The following BICRA variants were observed in gnomAD, a reference collection of about 807,000 sequenced individuals.
BICRA encodes the protein BRD4-interacting chromatin-remodeling complex-associated protein.
In BICRA, 31 loss-of-function variants were observed where a neutral mutation model predicts 96.9. The ratio of observed to expected loss-of-function variants is 0.32; its 90% CI spans 0.24 to 0.43. BICRA has a LOEUF of 0.43. BICRA is among the 20% of genes least tolerant of loss of function. The pLI is 1.00. For missense variants in BICRA, 2,283 were observed against 2,190.3 expected, an observed-to-expected ratio of 1.04 and a Z score of -0.84; for synonymous variants, 1,350 against 1,071.8, an observed-to-expected ratio of 1.26 and a Z score of -5.07.
intron 1 of BICRA, among the ~76,000 whole-genome samples, chr19:47,656,069 G>GACACAC (rs60179476): frequency 0.079 from 10,456 of 132,096 alleles, 522 homozygotes; most frequent in East Asian, 0.18. Context: ...ATCCTGTCTC[G>GACACAC]ACACACACAC....
At chr19:47,635,931 A>C (rs1366452350) in intron 1 of BICRA, among the ~76,000 whole-genome samples, 2 of 152,136 alleles carry the variant, frequency 1.3e-5, no homozygotes, top group Non-Finnish European at 2.9e-5. Context: ...AATGCCCCAA[A>C]ATCTGAAACT....
intron 1 of BICRA, among the ~76,000 whole-genome samples, chr19:47,623,527 C>T (rs1972095267): frequency 6.6e-6 from 1 of 152,232 alleles, no homozygotes; most frequent in Non-Finnish European, 1.5e-5. Context: ...GACTCACACT[C>T]AGGCTTCCTA....
intron 1 of BICRA, among the ~76,000 whole-genome samples, chr19:47,621,985 G>A (rs975299140): frequency 7.4e-6 from 1 of 134,504 alleles, no homozygotes; most frequent in African/African-American, 2.8e-5. Flanking sequence ...TTTTTTTTTT[G>A]AGATGAAGTC....
intron 7 of BICRA, among the ~76,000 whole-genome samples, chr19:47,685,173 T>C: frequency 6.6e-6 from 1 of 150,894 alleles, no homozygotes; most frequent in South Asian, 2.1e-4. Flanking sequence ...GTGGGGGAGA[T>C]ATGGGGTCTC....
Position 47,694,200 on chromosome 19 carries a change from A to AC in BICRA, c.2371dup (p.Leu791ProfsTer80). The AC allele has an allele frequency of 7.1e-6, 5 of 707,892 alleles. No individual in the cohort carries two copies. Among genetic ancestry groups the AC allele is most frequent in the Non-Finnish European group, 5.1e-6 (3 of 586,978 alleles). 43.9% of individuals were successfully genotyped at this position (707,892 alleles called of 1,614,324 possible). A position where few individuals can be genotyped will look rare whatever the true frequency, so the allele number is the denominator to read the frequency against. Reference sequence around the variant, plus strand: ...CAGGCCCCTCTGGGGGACAGCCCCCACCTGCCCTCCCCACACCCCACCCGG... The same window carrying AC: ...CAGGCCCCTCTGGGGGACAGCCCCCACCCTGCCCTCCCCACACCCCACCCGG... On this transcript the variant is annotated frameshift_variant, in exon 8 of 15. Transcript: ENST00000594866. LOFTEE classifies it high-confidence loss of function.
At chr19:47,619,837 A>G (rs1281716072) in intron 1 of BICRA, among the ~76,000 whole-genome samples, 1 of 152,222 alleles carries the variant, frequency 6.6e-6, no homozygotes, top group African/African-American at 2.4e-5. Context: ...CTGAGGCTGC[A>G]GAGAGCCATT....
chr19:47,695,094 C>A lies in BICRA; in HGVS notation c.3076+14C>A. 1 of 1,478,926 alleles carries A rather than the reference C, an allele frequency of 6.8e-7. No homozygotes were observed. The allele number at this position is 1,478,926 out of a possible 1,614,324, so 91.6% of individuals were successfully genotyped here. On this transcript the variant is annotated intron_variant, in intron 9 of 14. Transcript: ENST00000594866. ...TGGCCGCCACAGGTAGGAGAGAGGT[C>A]GCCTATGTGCCCAGGGAGACGGGGC...
chr19:47,664,502 G>A (rs1473111271), intron 1 of BICRA, among the ~76,000 whole-genome samples: 2 of 152,276 alleles, frequency 1.3e-5, no homozygotes, highest in East Asian at 1.9e-4. Context: ...CCCATGGTGC[G>A]ATCTGGGGCA....
At chr19:47,655,667 A>G (rs1972605286) in intron 1 of BICRA, among the ~76,000 whole-genome samples, 1 of 151,330 alleles carries the variant, frequency 6.6e-6, no homozygotes, top group African/African-American at 2.4e-5. Flanking sequence ...AGCCTGGCCA[A>G]CACGGTGAAA....
chr19:47,630,464 G>A (rs1357483898), intron 1 of BICRA, among the ~76,000 whole-genome samples: 1 of 151,970 alleles, frequency 6.6e-6, no homozygotes, highest in Non-Finnish European at 1.5e-5. Flanking sequence ...GAGCCACTGC[G>A]CCCGGCCTAT....
At chr19:47,647,856 TG>T (rs1972483638) in intron 1 of BICRA, among the ~76,000 whole-genome samples, 1 of 146,180 alleles carries the variant, frequency 6.8e-6, no homozygotes, top group African/African-American at 2.5e-5. Context: ...GGTGTCCTGT[TG>T]GGCTTGAGTG....
At chr19:47,669,687 C>T (rs142000627) in intron 1 of BICRA, among the ~76,000 whole-genome samples, 2 of 152,186 alleles carry the variant, frequency 1.3e-5, no homozygotes, top group African/African-American at 4.8e-5. Context: ...GATGGAGTCT[C>T]ACTCTGTCGC....
At chr19:47,681,366 T>A in intron 6 of BICRA, 90 bp downstream of exon 6, 1 of 1,158,616 alleles carries the variant, frequency 8.6e-7, no homozygotes, top group Non-Finnish European at 1.2e-6. Flanking sequence ...GATCCAAAAG[T>A]GGATGCCACT....
chr19:47,692,236 T>C (rs1447472041), intron 7 of BICRA, among the ~76,000 whole-genome samples: 5 of 152,098 alleles, frequency 3.3e-5, no homozygotes, highest in Non-Finnish European at 5.9e-5. Context: ...AATATTCTTT[T>C]TTTTTTTTGA....
intron 1 of BICRA, among the ~76,000 whole-genome samples, chr19:47,655,581 A>G (rs893617363): frequency 7.0e-6 from 1 of 142,168 alleles, no homozygotes; most frequent in African/African-American, 2.6e-5. Flanking sequence ...GGACAGGTGC[A>G]GTGGCTCATG....
rs755153037 is a variant in BICRA at position 47,616,638 on chromosome 19, CA to C, written c.-108+7483del. Among the ~76,000 whole-genome samples the C allele has an allele frequency of 1.0e-2, 1,245 of 124,536 alleles. 22 individuals are homozygous for C. The highest frequency in any genetic ancestry group is 0.029 in the African/African-American group (977 of 33,774). 81.7% of individuals were successfully genotyped at this position (124,536 alleles called of 152,430 possible). On this transcript the variant is annotated intron_variant, in intron 1 of 14. Coordinates refer to ENST00000594866, the MANE Select transcript of BICRA (RefSeq NM_001394372.1). ...AGGGCGACAGAGCAAGACTCTGTCT[CA>C]AAAAAAAAAAAAGGAAGACAATGCC... is the stretch of plus-strand genomic sequence containing the variant.
At chr19:47,628,741 G>A (rs1415426349) in intron 1 of BICRA, among the ~76,000 whole-genome samples, 1 of 151,702 alleles carries the variant, frequency 6.6e-6, no homozygotes, top group African/African-American at 2.4e-5. Flanking sequence ...AGTAGCTGGG[G>A]CTACAGGCAC....
At chr19:47,654,358 T>G (rs184801928) in intron 1 of BICRA, among the ~76,000 whole-genome samples, 12 of 152,246 alleles carry the variant, frequency 7.9e-5, no homozygotes, top group African/African-American at 2.9e-4. Flanking sequence ...TTCCCCTGTT[T>G]AGAGAAACTG....
At chr19:47,694,077 A>ACC in intron 7 of BICRA, 38 bp from the exon 8 acceptor site, 15 of 1,410,510 alleles carry the variant, frequency 1.1e-5, no homozygotes, top group East Asian at 2.7e-5. Flanking sequence ...GTTGGTTCTG[A>ACC]CCCCCGCCCC....
Sources: gnomAD v4.1 joint callset for allele counts (sites outside exome capture counted in the v4.1 genomes callset) on GRCh38, gnomAD v4.1.1 for gene constraint, MANE v1.5 for transcripts, NCBI Gene and HGNC (gene_info 2026-07-23, HGNC 2026-07-21) for gene names.